ST6GALNAC5: variants seen among roughly 807,000 people sequenced by gnomAD.
ST6GALNAC5 encodes ST6 N-acetylgalactosaminide alpha-2,6-sialyltransferase 5, also known as alpha-N-acetylgalactosaminide alpha-2,6-sialyltransferase 5.
In ST6GALNAC5, 27 loss-of-function variants were observed where a neutral mutation model predicts 33.6. That is an observed-to-expected ratio of 0.80 (90% confidence interval 0.59 to 1.11). ST6GALNAC5 has a LOEUF of 1.11. ST6GALNAC5 is among the 50% of genes least tolerant of loss of function. The pLI, the probability that ST6GALNAC5 is intolerant of heterozygous loss-of-function variation, is 0.00. For missense variants in ST6GALNAC5, 428 were observed against 454.0 expected, an observed-to-expected ratio of 0.94 and a Z score of 0.52; for synonymous variants, 194 against 171.2, an observed-to-expected ratio of 1.13 and a Z score of -1.04.
intron 2 of ST6GALNAC5, among the ~76,000 whole-genome samples, chr1:77,006,394 A>G (rs990100886): frequency 7.1e-6 from 1 of 140,900 alleles, no homozygotes; most frequent in South Asian, 2.3e-4. Flanking sequence ...GCTCACTGCA[A>G]CCTCTGCTGC....
intron 2 of ST6GALNAC5, among the ~76,000 whole-genome samples, chr1:76,891,173 A>G (rs931533789): frequency 6.6e-6 from 1 of 152,184 alleles, no homozygotes; most frequent in African/African-American, 2.4e-5. Flanking sequence ...TGGTTTTCCA[A>G]AAGGCTGTAC....
intron 2 of ST6GALNAC5, among the ~76,000 whole-genome samples, chr1:76,892,688 T>C (rs576959997): frequency 1.9e-4 from 29 of 152,366 alleles, no homozygotes; most frequent in Admixed American, 1.6e-3. Flanking sequence ...TCACTTTTAA[T>C]TGATATAGAG....
At chr1:76,904,599 TG>T (rs1416192857) in intron 2 of ST6GALNAC5, among the ~76,000 whole-genome samples, 1 of 151,732 alleles carries the variant, frequency 6.6e-6, no homozygotes, top group Non-Finnish European at 1.5e-5. Context: ...CTGAAGCGAG[TG>T]GATCACTTGA....
At chr1:76,979,218 T>G (rs932530436) in intron 2 of ST6GALNAC5, among the ~76,000 whole-genome samples, 6 of 152,042 alleles carry the variant, frequency 3.9e-5, no homozygotes, top group Non-Finnish European at 8.8e-5. Flanking sequence ...GCAGATTCAA[T>G]GCAATCCCTA....
chr1:77,052,214 T>A (rs913351932), intron 4 of ST6GALNAC5, among the ~76,000 whole-genome samples: 4 of 152,198 alleles, frequency 2.6e-5, no homozygotes, highest in Admixed American at 2.0e-4. Flanking sequence ...GTCAGAGAAG[T>A]GAAGAGTGTC....
At chr1:76,955,575 ACT>A (rs1448483366) in intron 2 of ST6GALNAC5, among the ~76,000 whole-genome samples, 1 of 152,108 alleles carries the variant, frequency 6.6e-6, no homozygotes, top group Non-Finnish European at 1.5e-5. Context: ...CAATGAGATG[ACT>A]CTGAAAGTGT....
intron 2 of ST6GALNAC5, among the ~76,000 whole-genome samples, chr1:76,908,942 T>C (rs1010038241): frequency 1.3e-5 from 2 of 152,202 alleles, no homozygotes; most frequent in African/African-American, 4.8e-5. Context: ...AGTTATATAT[T>C]AGTTTTATTT....
intron 2 of ST6GALNAC5, among the ~76,000 whole-genome samples, chr1:76,901,055 G>A (rs1277912289): frequency 6.6e-6 from 1 of 152,160 alleles, no homozygotes; most frequent in African/African-American, 2.4e-5. Context: ...AAGATGTTTT[G>A]CTTTAGAACT....
At chr1:76,875,420 C>T (rs992213009) in intron 2 of ST6GALNAC5, among the ~76,000 whole-genome samples, 3 of 152,170 alleles carry the variant, frequency 2.0e-5, no homozygotes, top group Non-Finnish European at 2.9e-5. Context: ...TTCTTACCTC[C>T]GTTGTGGAGT....
chr1:77,021,925 A>G (rs968628962), intron 2 of ST6GALNAC5, among the ~76,000 whole-genome samples: 7 of 152,182 alleles, frequency 4.6e-5, no homozygotes, highest in Admixed American at 6.5e-5. Context: ...AGAGCCATGT[A>G]ATCACACCTC....
intron 2 of ST6GALNAC5, among the ~76,000 whole-genome samples, chr1:76,918,544 G>A (rs1252580): frequency 0.021 from 3,177 of 148,274 alleles, 103 homozygotes; most frequent in African/African-American, 0.076. Context: ...CTTGAACCCC[G>A]GGGGCAGAGC....
intron 2 of ST6GALNAC5, among the ~76,000 whole-genome samples, chr1:77,008,110 G>C (rs544447776): frequency 6.6e-6 from 1 of 152,204 alleles, no homozygotes; most frequent in African/African-American, 2.4e-5. Context: ...TAAACTGAAA[G>C]TGTATGTCAT....
intron 2 of ST6GALNAC5, among the ~76,000 whole-genome samples, chr1:76,907,503 A>G (rs1035124311): frequency 6.6e-6 from 1 of 152,184 alleles, no homozygotes; most frequent in African/African-American, 2.4e-5. Context: ...ACAGACATTT[A>G]GTCAGTTTTC....
intron 2 of ST6GALNAC5, among the ~76,000 whole-genome samples, chr1:76,968,031 T>C (rs1235647179): frequency 1.3e-5 from 2 of 152,178 alleles, no homozygotes; most frequent in African/African-American, 2.4e-5. Flanking sequence ...ATAAGTGCGA[T>C]GTGGTGCTGA....
At chr1:76,873,930 T>G (rs1653568329) in intron 2 of ST6GALNAC5, among the ~76,000 whole-genome samples, 2 of 152,096 alleles carry the variant, frequency 1.3e-5, no homozygotes, top group Non-Finnish European at 1.5e-5. Context: ...ATCCCTACCC[T>G]CAAAGAACCT....
chr1:76,872,990 T>A (rs1251657616), intron 2 of ST6GALNAC5, among the ~76,000 whole-genome samples: 3 of 152,210 alleles, frequency 2.0e-5, no homozygotes, highest in African/African-American at 7.2e-5. Context: ...TCCTTAAATC[T>A]GTGACAGCCA....
chr1:76,897,904 G>T (rs1307993154), intron 2 of ST6GALNAC5, among the ~76,000 whole-genome samples: 1 of 152,192 alleles, frequency 6.6e-6, no homozygotes, highest in Admixed American at 6.5e-5. Flanking sequence ...TGAAAAGAAG[G>T]TAATGTGGAG....
intron 2 of ST6GALNAC5, among the ~76,000 whole-genome samples, chr1:76,912,380 G>C (rs1646923372): frequency 1.3e-5 from 2 of 152,064 alleles, no homozygotes; most frequent in Non-Finnish European, 1.5e-5. Context: ...ATGGTGTGGT[G>C]CTGAAAAAAA....
At chr1:77,018,273 A>G (rs899312143) in intron 2 of ST6GALNAC5, among the ~76,000 whole-genome samples, 19 of 152,172 alleles carry the variant, frequency 1.2e-4, no homozygotes, top group African/African-American at 4.6e-4. Flanking sequence ...GTCTTTATAG[A>G]TCATAAGTCA....
Sources: allele counts gnomAD v4.1 joint callset (sites outside exome capture counted in the v4.1 genomes callset), GRCh38; gene constraint gnomAD v4.1.1; transcripts MANE v1.5; gene names NCBI Gene and HGNC (gene_info 2026-07-23, HGNC 2026-07-21).